CGGBP1: variants seen among roughly 807,000 people sequenced by gnomAD.
The protein encoded by CGGBP1 is CGG triplet repeat-binding protein 1.
In CGGBP1, 4 loss-of-function variants were observed where a neutral mutation model predicts 11.4. That is an observed-to-expected ratio of 0.35 (90% CI 0.17 to 0.80). The LOEUF (loss-of-function observed/expected upper bound fraction) is 0.80, where lower values mean the gene tolerates loss of function less well. Ranked by LOEUF, CGGBP1 falls within the 30% of genes least tolerant of loss-of-function variation. The probability of loss-of-function intolerance (pLI) is 0.52; values close to 1 mark genes in which losing one functional copy is unlikely to be tolerated. For synonymous variants in CGGBP1, 76 were observed against 74.1 expected, an observed-to-expected ratio of 1.03 and a Z score of -0.13; for missense variants, 135 against 202.1, an observed-to-expected ratio of 0.67 and a Z score of 2.01.
At chr3:88,072,496 A>G (rs1452576274) in intron 2 of CGGBP1, among the ~76,000 whole-genome samples, 1 of 151,764 alleles carries the variant, frequency 6.6e-6, no homozygotes, top group African/African-American at 2.4e-5. Context: ...TGTCTTTGCC[A>G]CTCCTTGTAC....
At chr3:88,059,744 C>T (rs1270338567), upstream of CGGBP1, among the ~76,000 whole-genome samples, 1 of 151,964 alleles carries the variant, frequency 6.6e-6, no homozygotes, top group Non-Finnish European at 1.5e-5. Context: ...GATGGAGGGG[C>T]TGGAAAGAAG....
chr3:88,109,931 G>A (rs1704987742), intron 2 of CGGBP1, among the ~76,000 whole-genome samples: 1 of 151,996 alleles, frequency 6.6e-6, no homozygotes, highest in Admixed American at 6.6e-5. Context: ...AGTTTAATCA[G>A]ATTTTTAAAA....
intron 2 of CGGBP1, among the ~76,000 whole-genome samples, chr3:88,068,035 A>C (rs796531380): frequency 3.3e-5 from 5 of 152,290 alleles, no homozygotes; most frequent in African/African-American, 9.6e-5. Flanking sequence ...CACTCAAAGC[A>C]CAAGTGGAGG....
At chr3:88,096,670 AC>A (rs1271570888) in intron 2 of CGGBP1, among the ~76,000 whole-genome samples, 2 of 152,006 alleles carry the variant, frequency 1.3e-5, no homozygotes, top group Non-Finnish European at 2.9e-5. Context: ...TATATAATGT[AC>A]CCTTTTAGCG....
intron 2 of CGGBP1, among the ~76,000 whole-genome samples, chr3:88,101,909 C>T (rs901088151): frequency 2.6e-5 from 4 of 152,200 alleles, no homozygotes; most frequent in Admixed American, 1.3e-4. Context: ...TCAGTCCTGT[C>T]GTTGGTAAGC....
chr3:88,059,706 G>A (rs541023695), upstream of CGGBP1, among the ~76,000 whole-genome samples: 1 of 152,138 alleles, frequency 6.6e-6, no homozygotes, highest in South Asian at 2.1e-4. Context: ...CACGGGCTTA[G>A]GGTTGCTGAG....
chr3:88,120,423 A>G (rs1705696560), intron 2 of CGGBP1, among the ~76,000 whole-genome samples: 1 of 152,156 alleles, frequency 6.6e-6, no homozygotes, highest in Non-Finnish European at 1.5e-5. Context: ...CCTTATTAGG[A>G]ATGGGGAGGG....
chr3:88,095,277 T>C, intron 2 of CGGBP1: 1 of 173,582 alleles, frequency 5.8e-6, no homozygotes, highest in Non-Finnish European at 1.2e-5. Flanking sequence ...TACCATCTTT[T>C]CTCCTGTGGA....
chr3:88,115,922 G>A (rs1338862422), intron 2 of CGGBP1, among the ~76,000 whole-genome samples: 1 of 152,184 alleles, frequency 6.6e-6, no homozygotes, highest in Non-Finnish European at 1.5e-5. Flanking sequence ...TATGTCAGTT[G>A]CTCAGGGATG....
At chr3:88,102,423 A>G (rs1205393329) in intron 2 of CGGBP1, among the ~76,000 whole-genome samples, 4 of 152,292 alleles carry the variant, frequency 2.6e-5, no homozygotes, top group Admixed American at 1.3e-4. Flanking sequence ...GTTATCTTCT[A>G]TAATGTCAAA....
At chr3:88,058,302 A>C (rs1706621724) in intron 1 of CGGBP1, 79 bp from the exon 2 acceptor site, 1 of 152,354 alleles carries the variant, frequency 6.6e-6, no homozygotes, top group East Asian at 1.9e-4. Flanking sequence ...CAAGAACGTC[A>C]ACAACTGCCA....
At chr3:88,109,043 C>A (rs1433105947) in intron 2 of CGGBP1, among the ~76,000 whole-genome samples, 1 of 151,642 alleles carries the variant, frequency 6.6e-6, no homozygotes, top group Admixed American at 6.6e-5. Context: ...GAAACATGTT[C>A]AAATTGATGA....
chr3:88,080,411 C>T (rs1708018835), intron 2 of CGGBP1, among the ~76,000 whole-genome samples: 1 of 151,986 alleles, frequency 6.6e-6, no homozygotes, highest in Non-Finnish European at 1.5e-5. Flanking sequence ...TATCTGATAG[C>T]TCTTGTTTGT....
At chr3:88,096,302 G>A (rs4429658) in intron 2 of CGGBP1, among the ~76,000 whole-genome samples, 119,015 of 151,900 alleles carry the variant, frequency 0.78, 47,546 homozygotes, top group South Asian at 0.91. Flanking sequence ...GACAAAGGAA[G>A]AAGAAAGTAT....
intron 1 of CGGBP1, chr3:88,144,350 A>G (rs1422217305): frequency 6.6e-6 from 1 of 152,390 alleles, no homozygotes; most frequent in African/African-American, 2.4e-5. Context: ...ATACTGTTGT[A>G]TGGATGAAAA....
chr3:88,112,690 T>G (rs1705164348), intron 2 of CGGBP1, among the ~76,000 whole-genome samples: 1 of 151,994 alleles, frequency 6.6e-6, no homozygotes, highest in Non-Finnish European at 1.5e-5. Flanking sequence ...TTTGTGTTAA[T>G]TTTATTCAAC....
At chr3:88,063,125 A>G (rs774118111), upstream of CGGBP1, among the ~76,000 whole-genome samples, 2 of 152,146 alleles carry the variant, frequency 1.3e-5, no homozygotes, top group Non-Finnish European at 2.9e-5. Flanking sequence ...TTTGATTGTC[A>G]TGATTGAGGT....
chr3:88,102,973 A>G (rs1704519448), intron 2 of CGGBP1, among the ~76,000 whole-genome samples: 1 of 151,988 alleles, frequency 6.6e-6, no homozygotes, highest in Non-Finnish European at 1.5e-5. Flanking sequence ...TAGTTTTTAA[A>G]TCCTACCCTC....
intron 2 of CGGBP1, among the ~76,000 whole-genome samples, chr3:88,067,923 C>T (rs1444765056): frequency 1.3e-5 from 2 of 150,458 alleles, no homozygotes. Context: ...GAACTGTGTA[C>T]ACTTAAAATC....
Sources: gnomAD v4.1 joint callset for allele counts (sites outside exome capture counted in the v4.1 genomes callset) on GRCh38, gnomAD v4.1.1 for gene constraint, MANE v1.5 for transcripts, NCBI Gene and HGNC (gene_info 2026-07-23, HGNC 2026-07-21) for gene names.